The following USP2 variants were observed in gnomAD, a reference collection of about 807,000 sequenced individuals.
USP2 encodes ubiquitin carboxyl-terminal hydrolase 2.
In USP2, 33 loss-of-function variants were observed where a neutral mutation model predicts 72.0. The ratio of observed to expected loss-of-function variants is 0.46; its 90% CI spans 0.35 to 0.61. The LOEUF (loss-of-function observed/expected upper bound fraction) is 0.61. USP2 is among the 20% of genes least tolerant of loss of function. The pLI is 0.01. For missense variants in USP2, 691 were observed against 797.8 expected, an observed-to-expected ratio of 0.87 and a Z score of 1.61; for synonymous variants, 296 against 312.5, an observed-to-expected ratio of 0.95 and a Z score of 0.56.
chr11:119,379,023 T>C, intron 1 of USP2: 1 of 985,462 alleles, frequency 1.0e-6, no homozygotes, highest in Non-Finnish European at 1.2e-6. Flanking sequence ...CCAGGGGCAC[T>C]GGATGGGAGC....
intron 3 of USP2, 41 bp downstream of exon 3, chr11:119,360,143 G>C: frequency 1.9e-6 from 3 of 1,608,002 alleles, no homozygotes; most frequent in Non-Finnish European, 2.5e-6. Flanking sequence ...CAGCATAGTA[G>C]GGGGTGGGCC....
rs77425118 is a variant in USP2 at position 119,377,289 on chromosome 11, T to A, written c.-41-3768A>T. On this transcript the variant is annotated intron_variant, in intron 1 of 12. Coordinates refer to ENST00000260187, the MANE Select transcript of USP2 (RefSeq NM_004205.5). The stretch of plus-strand genomic sequence containing the variant: ...GGCTGGACTCGTGCTCTGTCTGCTA[T>A]ATCTGGCCTGAAGCCCAGACCCCTG... Among the ~76,000 whole-genome samples, 327 of 152,288 alleles carry A rather than the reference T, an allele frequency of 2.1e-3. 1 individual carries two copies. The highest frequency in any genetic ancestry group is 7.4e-3 in the African/African-American group (308 of 41,546).
intron 1 of USP2, among the ~76,000 whole-genome samples, chr11:119,375,724 A>G (rs1950991939): frequency 2.0e-5 from 3 of 152,098 alleles, no homozygotes; most frequent in Non-Finnish European, 4.4e-5. Flanking sequence ...GTATGAGCTC[A>G]TGGCTCCTCC....
At chr11:119,360,890 A>C (rs1023485957) in intron 2 of USP2, among the ~76,000 whole-genome samples, 7 of 152,200 alleles carry the variant, frequency 4.6e-5, no homozygotes, top group Non-Finnish European at 7.3e-5. Context: ...TCCTTACTAT[A>C]AGAAATTTTG....
chr11:119,374,431 G>A (rs1950974421), intron 1 of USP2, among the ~76,000 whole-genome samples: 1 of 152,232 alleles, frequency 6.6e-6, no homozygotes, highest in Non-Finnish European at 1.5e-5. Context: ...AAGGAACACA[G>A]ACACTGCTGA....
At position 119,370,857 on chromosome 11, in the gene USP2, G is replaced by A. The variant is rs1030850687; in HGVS notation, c.774+1850C>T. Among the ~76,000 whole-genome samples the A allele has an allele frequency of 1.6e-4, 24 of 150,358 alleles. No homozygotes were observed. In the East Asian group the frequency reaches 2.7e-3, roughly 17 times the overall value. ...TTCCCTTCACCTTGGCCCTGGAGCCGGGGGGAGGAGCCAGGGTTGTCCCTT... is the reference window on the plus strand; with the variant it reads ...TTCCCTTCACCTTGGCCCTGGAGCCAGGGGGAGGAGCCAGGGTTGTCCCTT... On this transcript the variant is annotated intron_variant, in intron 2 of 12. Coordinates refer to ENST00000260187, the MANE Select transcript of USP2 (RefSeq NM_004205.5).
At position 119,372,715 on chromosome 11, in the gene USP2, C is replaced by T; in HGVS notation, c.766G>A (p.Asp256Asn). 1.3e-6 allele frequency: 2 copies of T among 1,519,988 alleles called. No individual in the cohort carries two copies. Among genetic ancestry groups the T allele is most frequent in the South Asian group, 1.3e-5 (1 of 75,378 alleles). 94.2% of individuals were successfully genotyped at this position (1,519,988 alleles called of 1,614,324 possible). Residue 256 changes from aspartate to asparagine, a missense_variant, in exon 2 of 13, where the codon GAC becomes AAC. Asp to Asn is a conservative substitution (Grantham distance 23). Coordinates refer to ENST00000260187, the MANE Select transcript of USP2 (RefSeq NM_004205.5). ...GPSRSSSPGR[D>N]GMNSKSAQGL... ...CCCAAGGGTAAACTCACCATGCCGT[C>T]TCTTCCCGGGGAGCTGGAGCGGCTG...
At chr11:119,357,431 G>C in intron 11 of USP2, 52 bp downstream of exon 11, 1 of 1,605,412 alleles carries the variant, frequency 6.2e-7, no homozygotes, top group Non-Finnish European at 8.5e-7. Context: ...CCCTCCCTCC[G>C]GCCTTGCACA....
chr11:119,358,639 G>T, intron 7 of USP2, 134 bp downstream of exon 7: 1 of 1,103,606 alleles, frequency 9.1e-7, no homozygotes, highest in Non-Finnish European at 1.4e-6. Context: ...CTTTCTTGCT[G>T]TTCCTGCTTT....
At chr11:119,358,614 C>A (rs957911038) in intron 7 of USP2, 159 bp downstream of exon 7, 2 of 912,560 alleles carry the variant, frequency 2.2e-6, no homozygotes, top group Non-Finnish European at 3.4e-6. Context: ...CCATGCCCGG[C>A]CTGCACAGCA....
rs1422234542 is a variant in USP2, at chr11:119,356,784, T to G, written c.*51A>C. 1.3e-6 allele frequency: 2 copies of G among 1,484,022 alleles called. No homozygotes were observed. Among genetic ancestry groups the G allele is most frequent in the African/African-American group, 1.4e-5 (1 of 70,330 alleles). The allele number at this position is 1,484,022 out of a possible 1,614,324, so 91.9% of individuals were successfully genotyped here. A position where few individuals can be genotyped will look rare whatever the true frequency, so the allele number is the denominator to read the frequency against. On this transcript the variant is annotated 3_prime_UTR_variant, in exon 13 of 13. Coordinates refer to ENST00000260187, the MANE Select transcript of USP2 (RefSeq NM_004205.5). ...TTTTGTTTTTGTCTTTTTAAAAAAT[T>G]TAGGGAGCGGGGCCACCACGGGGAA... is the stretch of plus-strand genomic sequence containing the variant.
At chr11:119,365,584 C>G (rs997421044) in intron 2 of USP2, among the ~76,000 whole-genome samples, 7 of 152,242 alleles carry the variant, frequency 4.6e-5, no homozygotes, top group Non-Finnish European at 1.0e-4. Context: ...CAGCCCTACA[C>G]CATCTGAAGC....
chr11:119,373,626 C>G (rs1950965054), intron 1 of USP2, 105 bp from the exon 2 acceptor site: 1 of 1,130,870 alleles, frequency 8.8e-7, no homozygotes. Flanking sequence ...GCTCCCAGTC[C>G]ATTTCCACAA....
chr11:119,377,593 C>T (rs1036528559), intron 1 of USP2, among the ~76,000 whole-genome samples: 2 of 152,216 alleles, frequency 1.3e-5, no homozygotes, highest in Non-Finnish European at 2.9e-5. Context: ...CCCCTGGCAC[C>T]AGCATCTACC....
In USP2 at chr11:119,373,232, G is replaced by C. The variant is rs751413682; in HGVS notation, c.249C>G (p.Pro83=). ...DYDRGRPLLR[P]DITGGGKRAE... is the part of the protein sequence containing the mutation. ...CCCGCTTACCACCCCCAGTGATGTC[G>C]GGTCTCAGCAGGGGGCGGCCCCGGT... Residue 83 remains proline, a synonymous_variant, in exon 2 of 13, where the codon CCC becomes CCG. Coordinates refer to ENST00000260187, the MANE Select transcript of USP2 (RefSeq NM_004205.5). 6.2e-7 allele frequency: 1 copy of C among 1,613,964 alleles called. No homozygotes were observed. The highest frequency in any genetic ancestry group is 1.7e-4 in the Middle Eastern group (1 of 6,058).
chr11:119,380,988 C>A (rs1030455301), intron 1 of USP2, among the ~76,000 whole-genome samples: 6 of 152,182 alleles, frequency 3.9e-5, no homozygotes, highest in African/African-American at 1.2e-4. Flanking sequence ...CGCGTGCCTG[C>A]TTCTGGTTTG....
chr11:119,361,031 C>T (rs557154114), intron 2 of USP2, among the ~76,000 whole-genome samples: 1 of 152,180 alleles, frequency 6.6e-6, no homozygotes, highest in Non-Finnish European at 1.5e-5. Flanking sequence ...CCTTGAGTTT[C>T]GATCTTCAGT....
Position 119,381,594 on chromosome 11 carries a change from G to T in USP2, c.-163C>A. ...CTGACGAAGAGGGCTCCCCGGCCTC[G>T]GCTCCTGCCTGACTCTCTCCCACCT... On this transcript the variant is annotated 5_prime_UTR_variant, in exon 1 of 13. Coordinates refer to ENST00000260187, the MANE Select transcript of USP2 (RefSeq NM_004205.5). 6.6e-7 allele frequency: 1 copy of T among 1,518,358 alleles called. No homozygotes were observed. The highest frequency in any genetic ancestry group is 8.8e-7 in the Non-Finnish European group (1 of 1,131,234). 94.1% of individuals were successfully genotyped at this position (1,518,358 alleles called of 1,614,324 possible). A position where few individuals can be genotyped will look rare whatever the true frequency, so the allele number is the denominator to read the frequency against.
In USP2 at chr11:119,359,658, G is replaced by T; in HGVS notation, c.828C>A (p.Cys276Ter). 6.2e-7 allele frequency: 1 copy of T among 1,613,398 alleles called. No individual in the cohort carries two copies. The change falls in exon 4 of 13, where the codon TGC (cysteine) becomes TGA (stop). Residue 276 changes from cysteine (C) to a stop codon, truncating the protein, a stop_gained and splice_region_variant. Transcript: ENST00000260187. LOFTEE classifies it high-confidence loss of function. ...GGCACTGCAGAATTGAGTTCATGAA[G>T]CACTGCAAGAGATGACCAGGCAATC... ...LAGLRNLGNTCFMNSILQCLS... is the reference protein window; with the variant it reads ...LAGLRNLGNT
Sources: allele counts gnomAD v4.1 joint callset (sites outside exome capture counted in the v4.1 genomes callset), GRCh38; gene constraint gnomAD v4.1.1; transcripts MANE v1.5; gene names NCBI Gene and HGNC (gene_info 2026-07-23, HGNC 2026-07-21).